The following COL22A1 variants were observed in gnomAD, a reference collection of about 807,000 sequenced individuals.
COL22A1 encodes the protein collagen alpha-1(XXII) chain.
A neutral mutation model predicts 248.9 loss-of-function variants in COL22A1; 221 were observed. The observed-to-expected ratio is 0.89, with a 90% confidence interval of 0.80 to 0.99. The LOEUF is 0.99. Among genes scored for constraint, COL22A1 ranks in the 50% least tolerant of loss-of-function variants. The probability of loss-of-function intolerance (pLI) is 0.00; values close to 1 mark genes in which losing one functional copy is unlikely to be tolerated. For synonymous variants in COL22A1, 891 were observed against 793.4 expected (o/e 1.12, Z -2.07); for missense variants, 2,240 against 2,179.0 (o/e 1.03, Z -0.56).
chr8:138,601,421 A>G (rs1817999266), intron 60 of COL22A1, among the ~76,000 whole-genome samples: 1 of 152,016 alleles, frequency 6.6e-6, no homozygotes, highest in Non-Finnish European at 1.5e-5. Context: ...GGACCATGGA[A>G]AACAAGCGGG....
chr8:138,841,232 C>A lies in COL22A1; in HGVS notation c.733+2852G>T, dbSNP rs548669337. Among the ~76,000 whole-genome samples, 103 of 152,292 alleles carry A rather than the reference C, an allele frequency of 6.8e-4. 2 individuals carry two copies. In the South Asian group the frequency reaches 0.021, roughly 31 times the overall value. On this transcript the variant is annotated intron_variant, in intron 4 of 64. Coordinates refer to ENST00000303045, the MANE Select transcript of COL22A1 (RefSeq NM_152888.3). ...CATTTGTCACATTCCTTCTAAGTGTCAGGTACGGTCCTCTACTCTTAAGAC... is the reference window on the plus strand; with the variant it reads ...CATTTGTCACATTCCTTCTAAGTGTAAGGTACGGTCCTCTACTCTTAAGAC...
chr8:138,836,931 A>T (rs888422283), intron 4 of COL22A1, among the ~76,000 whole-genome samples: 1 of 152,228 alleles, frequency 6.6e-6, no homozygotes, highest in Non-Finnish European at 1.5e-5. Context: ...TACGATGCAC[A>T]CTGGGCATCT....
At chr8:138,824,832 C>T (rs1324465222) in intron 6 of COL22A1, among the ~76,000 whole-genome samples, 1 of 152,204 alleles carries the variant, frequency 6.6e-6, no homozygotes, top group African/African-American at 2.4e-5. Context: ...TGGTGACGGG[C>T]ACTCAACCAA....
intron 44 of COL22A1, among the ~76,000 whole-genome samples, chr8:138,657,878 A>ATC (rs1298488652): frequency 6.6e-6 from 1 of 152,186 alleles, no homozygotes; most frequent in African/African-American, 2.4e-5. Flanking sequence ...AAGGTGGGAC[A>ATC]GCTTGGTGGT....
intron 47 of COL22A1, among the ~76,000 whole-genome samples, chr8:138,644,720 A>T (rs1393555909): frequency 6.6e-6 from 1 of 152,082 alleles, no homozygotes; most frequent in Non-Finnish European, 1.5e-5. Context: ...ATGAAACTCA[A>T]TTTCCCATGC....
intron 16 of COL22A1, among the ~76,000 whole-genome samples, chr8:138,770,458 G>T (rs58550186): frequency 0.024 from 3,706 of 152,294 alleles, 128 homozygotes; most frequent in African/African-American, 0.081. Flanking sequence ...ACCCCCAGAT[G>T]AAGGGCCGTC....
At chr8:138,625,464 T>G (rs1820161699) in intron 51 of COL22A1, among the ~76,000 whole-genome samples, 1 of 152,160 alleles carries the variant, frequency 6.6e-6, no homozygotes, top group Admixed American at 6.6e-5. Flanking sequence ...CAGAAGGCAG[T>G]GCATGGCCTT....
chr8:138,806,029 GTTGTGTGTGTGA>G (rs1817608305), intron 10 of COL22A1, among the ~76,000 whole-genome samples: 7 of 11,622 alleles, frequency 6.0e-4, no homozygotes, highest in Admixed American at 1.3e-3. Context: ...ATGGTGTGTG[GTTGTGTGTGTGA>G]TGGTGTAGGT....
At chr8:138,727,280 C>T (rs1009595500) in intron 23 of COL22A1, among the ~76,000 whole-genome samples, 9 of 152,142 alleles carry the variant, frequency 5.9e-5, no homozygotes, top group African/African-American at 2.2e-4. Context: ...TCCCACACCT[C>T]CCTTCTGAGC....
chr8:138,812,008 G>A, intron 8 of COL22A1, 87 bp from the exon 9 acceptor site: 1 of 1,409,148 alleles, frequency 7.1e-7, no homozygotes, highest in Non-Finnish European at 9.4e-7. Context: ...TGCTTCCTCA[G>A]AACCAGGCAG....
chr8:138,601,123 G>A (rs970088438), intron 60 of COL22A1, among the ~76,000 whole-genome samples: 1 of 151,732 alleles, frequency 6.6e-6, no homozygotes, highest in Non-Finnish European at 1.5e-5. Flanking sequence ...CGAAATTCAA[G>A]CCCATATCCT....
intron 41 of COL22A1, among the ~76,000 whole-genome samples, chr8:138,667,032 C>G (rs917975677): frequency 6.6e-6 from 1 of 152,150 alleles, no homozygotes; most frequent in African/African-American, 2.4e-5. Context: ...GAGGAGCAGG[C>G]AGTGCCCAAC....
chr8:138,799,595 T>A (rs1288860458), intron 11 of COL22A1, among the ~76,000 whole-genome samples: 1 of 152,192 alleles, frequency 6.6e-6, no homozygotes, highest in Non-Finnish European at 1.5e-5. Context: ...CTGTACATAA[T>A]CACCCCAGGA....
At position 138,877,875 on chromosome 8, in the gene COL22A1, C is replaced by T. The variant is rs1309422022; in HGVS notation, c.533G>A (p.Gly178Asp). 2 of 1,612,944 alleles carry T rather than the reference C, an allele frequency of 1.2e-6. No individual in the cohort carries two copies. Among genetic ancestry groups the T allele is most frequent in the African/African-American group, 1.3e-5 (1 of 75,044 alleles). The change falls in exon 3 of 65, where the codon GGC (glycine) becomes GAC (aspartate). Residue 178 changes from glycine (G) to aspartate (D), a missense_variant. Coordinates refer to ENST00000303045, the MANE Select transcript of COL22A1 (RefSeq NM_152888.3). ...AGIRIFAVGV[G>D]EALKEELEEI... is the part of the protein sequence containing the mutation. ...CTCCAGCTCCTCCTTGAGTGCCTCG[C>T]CCACGCCCACGGCAAAGATGCGGAT...
At chr8:138,692,345 T>G (rs1190290945) in intron 35 of COL22A1, among the ~76,000 whole-genome samples, 3 of 92,394 alleles carry the variant, frequency 3.2e-5, no homozygotes, top group Admixed American at 2.3e-4. Flanking sequence ...TGGATGTGTG[T>G]ATGTGTGCAC....
chr8:138,722,627 T>C (rs945865431), intron 25 of COL22A1, among the ~76,000 whole-genome samples: 2 of 152,134 alleles, frequency 1.3e-5, no homozygotes, highest in Non-Finnish European at 2.9e-5. Context: ...ACCAGGAGTT[T>C]CCTTCTACCA....
At chr8:138,857,160 C>G (rs1256116706) in intron 3 of COL22A1, among the ~76,000 whole-genome samples, 1 of 152,046 alleles carries the variant, frequency 6.6e-6, no homozygotes, top group Admixed American at 6.6e-5. Context: ...TATCTGCTGA[C>G]CCCATGCCCA....
chr8:138,657,630 T>C (rs1348333646), intron 44 of COL22A1, among the ~76,000 whole-genome samples: 1 of 152,198 alleles, frequency 6.6e-6, no homozygotes, highest in African/African-American at 2.4e-5. Flanking sequence ...GGCAGTGGCC[T>C]TGTGAAGGTG....
rs183001733 is a variant in COL22A1, at chr8:138,687,901, A to G, written c.2862+1016T>C. ...CTACCCACTGATGCCAGGAGCAGTTACTCCCCTTAGTGGTGACAACAAAAA... is the reference window on the plus strand; with the variant it reads ...CTACCCACTGATGCCAGGAGCAGTTGCTCCCCTTAGTGGTGACAACAAAAA... On this transcript the variant is annotated intron_variant, in intron 37 of 64. Transcript: ENST00000303045. Among the ~76,000 whole-genome samples, 108 of 152,214 alleles carry G rather than the reference A, an allele frequency of 7.1e-4. 2 individuals are homozygous for G. Among genetic ancestry groups the G allele is most frequent in the Admixed American group, 3.2e-3 (49 of 15,286 alleles).
Sources: gnomAD v4.1 joint callset for allele counts (sites outside exome capture counted in the v4.1 genomes callset) on GRCh38, gnomAD v4.1.1 for gene constraint, MANE v1.5 for transcripts, NCBI Gene and HGNC (gene_info 2026-07-23, HGNC 2026-07-21) for gene names.